The following PAPPA2 variants were observed in gnomAD, a reference collection of about 807,000 sequenced individuals.
PAPPA2 encodes the protein pappalysin-2.
Under a neutral mutation model 176.4 loss-of-function variants are expected in PAPPA2, and 86 were observed. That is an observed-to-expected ratio of 0.49 (90% confidence interval 0.41 to 0.58). PAPPA2 has a LOEUF of 0.58. Among genes scored for constraint, PAPPA2 ranks in the 20% least tolerant of loss-of-function variants. The pLI, the probability that PAPPA2 is intolerant of heterozygous loss-of-function variation, is 0.00. For synonymous variants in PAPPA2, 809 were observed against 852.2 expected, an observed-to-expected ratio of 0.95 and a Z score of 0.88; for missense variants, 2,073 against 2,256.9, an observed-to-expected ratio of 0.92 and a Z score of 1.65.
chr1:176,544,846 G>A (rs926726794), intron 1 of PAPPA2, among the ~76,000 whole-genome samples: 1 of 152,090 alleles, frequency 6.6e-6, no homozygotes, highest in African/African-American at 2.4e-5. Context: ...CATAATTCAG[G>A]AAAGCAGATT....
intron 21 of PAPPA2, among the ~76,000 whole-genome samples, chr1:176,837,100 G>A (rs1667300460): frequency 1.3e-5 from 2 of 152,106 alleles, no homozygotes; most frequent in Admixed American, 1.3e-4. Context: ...AGCGGTATTC[G>A]TAGGGCAGAC....
At chr1:176,700,774 G>A (rs973484011) in intron 8 of PAPPA2, among the ~76,000 whole-genome samples, 3 of 152,190 alleles carry the variant, frequency 2.0e-5, no homozygotes, top group African/African-American at 4.8e-5. Context: ...GAAAGAGGCA[G>A]CAAAGTCACA....
intron 8 of PAPPA2, among the ~76,000 whole-genome samples, chr1:176,701,051 T>TACACACACAC (rs374838543): frequency 0.012 from 1,830 of 148,384 alleles, 9 homozygotes; most frequent in Middle Eastern, 0.021. Flanking sequence ...CACACACACA[T>TACACACACAC]ACACACACAC....
chr1:176,595,022 A>G lies in PAPPA2; in HGVS notation c.1418A>G (p.Glu473Gly), dbSNP rs1653885267. The part of the protein sequence containing the change: ...VNTEWVPFRD[E>G]KYPRLEVLQG... ...ACAGAGTGGGTTCCCTTTAGAGATG[A>G]GAAGTACCCACGACTTGAGGTTCTC... The change falls in exon 3 of 23, where the codon GAG becomes GGG. Residue 473 changes from glutamate to glycine, a missense_variant. Glu to Gly is a moderately conservative substitution (Grantham distance 98, BLOSUM62 -2). This residue lies in a region of PAPPA2 where 1,196 missense variants were observed against 1,330.4 expected (regional missense o/e 0.90). Transcript: ENST00000367662. 4 of 1,614,146 alleles carry G rather than the reference A, an allele frequency of 2.5e-6. No individual in the cohort carries two copies. Among genetic ancestry groups the G allele is most frequent in the Non-Finnish European group, 3.4e-6 (4 of 1,180,034 alleles).
chr1:176,508,467 C>A (rs1648417374), intron 1 of PAPPA2, among the ~76,000 whole-genome samples: 1 of 151,626 alleles, frequency 6.6e-6, no homozygotes, highest in South Asian at 2.1e-4. Context: ...AATAAAATAT[C>A]TTGAATGAAA....
At chr1:176,608,628 GC>G (rs1374953934) in intron 3 of PAPPA2, among the ~76,000 whole-genome samples, 2 of 152,118 alleles carry the variant, frequency 1.3e-5, no homozygotes, top group Non-Finnish European at 2.9e-5. Flanking sequence ...TATCGACAGT[GC>G]AGTCCGTGGG....
chr1:176,763,004 G>A (rs1266825567), intron 14 of PAPPA2, among the ~76,000 whole-genome samples: 3 of 152,138 alleles, frequency 2.0e-5, no homozygotes, highest in Non-Finnish European at 2.9e-5. Context: ...AATCCCAAGG[G>A]CATAAGAGCA....
intron 1 of PAPPA2, among the ~76,000 whole-genome samples, chr1:176,537,719 A>AGTGTGT (rs57602344): frequency 0.37 from 52,765 of 143,714 alleles, 10,904 homozygotes; most frequent in East Asian, 0.53. Flanking sequence ...GTAGGTATGG[A>AGTGTGT]GTGTGTGTGT....
intron 21 of PAPPA2, among the ~76,000 whole-genome samples, chr1:176,827,754 A>G (rs1312879951): frequency 6.6e-6 from 1 of 152,172 alleles, no homozygotes; most frequent in African/African-American, 2.4e-5. Flanking sequence ...TGCATAGCAG[A>G]CACACTAAAC....
At chr1:176,667,853 A>G (rs1002707690) in intron 3 of PAPPA2, among the ~76,000 whole-genome samples, 3 of 152,190 alleles carry the variant, frequency 2.0e-5, no homozygotes, top group South Asian at 2.1e-4. Flanking sequence ...TTAACTGACT[A>G]ATAAACTACA....
intron 14 of PAPPA2, among the ~76,000 whole-genome samples, chr1:176,756,851 G>T (rs1306929436): frequency 1.3e-5 from 2 of 152,010 alleles, no homozygotes; most frequent in African/African-American, 4.8e-5. Context: ...CTAACACTAT[G>T]CCTCCCCCAG....
At chr1:176,807,829 A>T (rs892432465) in intron 21 of PAPPA2, among the ~76,000 whole-genome samples, 1 of 152,108 alleles carries the variant, frequency 6.6e-6, no homozygotes, top group Non-Finnish European at 1.5e-5. Context: ...AAAGTTTTAG[A>T]ACAAATTTCT....
At chr1:176,582,160 C>G (rs1025366581) in intron 2 of PAPPA2, among the ~76,000 whole-genome samples, 1 of 152,054 alleles carries the variant, frequency 6.6e-6, no homozygotes, top group African/African-American at 2.4e-5. Context: ...ATCTCCTGAC[C>G]TTGTGATCCA....
intron 14 of PAPPA2, among the ~76,000 whole-genome samples, chr1:176,748,652 G>T (rs185792357): frequency 6.6e-6 from 1 of 152,148 alleles, no homozygotes; most frequent in Non-Finnish European, 1.5e-5. Context: ...CTCAATGAAA[G>T]ACTGTATATA....
intron 3 of PAPPA2, among the ~76,000 whole-genome samples, chr1:176,610,377 T>C (rs1654851336): frequency 6.6e-6 from 1 of 151,856 alleles, no homozygotes; most frequent in Non-Finnish European, 1.5e-5. Flanking sequence ...AGGAATGAAC[T>C]TAGAGTTTAG....
At chr1:176,475,425 G>T (rs1296493862) in intron 1 of PAPPA2, among the ~76,000 whole-genome samples, 4 of 152,142 alleles carry the variant, frequency 2.6e-5, no homozygotes, top group African/African-American at 9.7e-5. Context: ...AGTTGTTACT[G>T]GCCTCAGTGC....
At chr1:176,542,330 A>G (rs189761875) in intron 1 of PAPPA2, among the ~76,000 whole-genome samples, 25 of 152,334 alleles carry the variant, frequency 1.6e-4, no homozygotes, top group Non-Finnish European at 3.5e-4. Context: ...AAATGATATC[A>G]AAATGGACCC....
chr1:176,521,700 C>A (rs1572995971), intron 1 of PAPPA2, among the ~76,000 whole-genome samples: 2 of 152,140 alleles, frequency 1.3e-5, no homozygotes, highest in East Asian at 3.9e-4. Flanking sequence ...CTTATTACAC[C>A]TGTGGTAAGA....
At chr1:176,820,804 A>C (rs1666633758) in intron 21 of PAPPA2, among the ~76,000 whole-genome samples, 1 of 152,018 alleles carries the variant, frequency 6.6e-6, no homozygotes, top group South Asian at 2.1e-4. Flanking sequence ...CTGGGGAAAA[A>C]AAAGTAAAAG....
Sources: gnomAD v4.1 joint callset for allele counts (sites outside exome capture counted in the v4.1 genomes callset) on GRCh38, gnomAD v4.1.1 for gene constraint, gnomAD v4.1.1 regional missense constraint, MANE v1.5 for transcripts, NCBI Gene and HGNC (gene_info 2026-07-23, HGNC 2026-07-21) for gene names.